The following SDK1 variants were observed in gnomAD, a reference collection of about 807,000 sequenced individuals.
The protein encoded by SDK1 is protein sidekick-1.
Under a neutral mutation model 245.5 loss-of-function variants are expected in SDK1, and 157 were observed. The observed-to-expected ratio is 0.64, with a 90% CI of 0.56 to 0.73. The LOEUF is 0.73. Ranked by LOEUF, SDK1 falls within the 30% of genes least tolerant of loss-of-function variation. SDK1 has a pLI of 0.00. For missense variants in SDK1, 3,583 were observed against 3,002.3 expected (o/e 1.19, Z -4.52); for synonymous variants, 1,647 against 1,278.5 (o/e 1.29, Z -6.15).
chr7:3,782,786 A>G (rs1055996627), intron 4 of SDK1, among the ~76,000 whole-genome samples: 8 of 152,226 alleles, frequency 5.3e-5, no homozygotes, highest in African/African-American at 1.9e-4. Flanking sequence ...TTTAATATGT[A>G]TTGCTTTTGC....
chr7:4,238,661 G>A (rs1786333974), intron 42 of SDK1, among the ~76,000 whole-genome samples: 1 of 151,460 alleles, frequency 6.6e-6, no homozygotes, highest in Non-Finnish European at 1.5e-5. Context: ...CAATTCGCCT[G>A]CCTCAGCCTC....
intron 1 of SDK1, among the ~76,000 whole-genome samples, chr7:3,523,693 T>A (rs1320845874): frequency 6.6e-6 from 1 of 152,120 alleles, no homozygotes; most frequent in Non-Finnish European, 1.5e-5. Context: ...ACTCCCAGCC[T>A]CCCAGAGCAC....
At position 3,958,995 on chromosome 7, in the gene SDK1, C is replaced by T. The variant is rs756125856; in HGVS notation, c.1215C>T (p.Asp405=). 2.5e-6 allele frequency: 4 copies of T among 1,613,766 alleles called. No homozygotes were observed. Among genetic ancestry groups the T allele is most frequent in the Non-Finnish European group, 2.5e-6 (3 of 1,179,744 alleles). The change falls in exon 8 of 45, where the codon GAC becomes GAT. Residue 405 remains aspartate (D), a synonymous_variant. Coordinates refer to ENST00000404826, the MANE Select transcript of SDK1 (RefSeq NM_152744.4). Reference sequence around the variant, plus strand: ...CAGCTGAAGTAGAAGAAACTGTGGACATCGGATGTCAAGCCATGGGTGAGT... The same window carrying T: ...CAGCTGAAGTAGAAGAAACTGTGGATATCGGATGTCAAGCCATGGGTGAGT... ...RISAEVEETV[D]IGCQAMGVPL...
intron 1 of SDK1, among the ~76,000 whole-genome samples, chr7:3,582,562 G>T (rs1402904318): frequency 6.6e-6 from 1 of 151,142 alleles, no homozygotes; most frequent in South Asian, 2.1e-4. Flanking sequence ...GAAATGATAA[G>T]AAAATTAACT....
At chr7:3,567,193 T>C (rs757531559) in intron 1 of SDK1, among the ~76,000 whole-genome samples, 62 of 152,236 alleles carry the variant, frequency 4.1e-4, no homozygotes, top group Non-Finnish European at 7.2e-4. Flanking sequence ...CTTTTCGTGT[T>C]ATCTACTTAA....
At chr7:3,638,224 A>G (rs1782530325) in intron 2 of SDK1, among the ~76,000 whole-genome samples, 1 of 152,222 alleles carries the variant, frequency 6.6e-6, no homozygotes, top group African/African-American at 2.4e-5. Flanking sequence ...GGAGACAGGT[A>G]TCAGTGCGAT....
intron 8 of SDK1, 43 bp downstream of exon 8, chr7:3,959,057 G>A: frequency 6.9e-7 from 1 of 1,459,308 alleles, no homozygotes; most frequent in African/African-American, 1.4e-5. Flanking sequence ...ATGACTGGGA[G>A]GAAGGGAAAC....
Position 3,801,571 on chromosome 7 carries a change from C to T in SDK1, c.714-19879C>T, listed in dbSNP as rs73672179. ...CCTAAGGGTTGAGCAACCAGATCAT[C>T]AGGTTTGACGAAAACAGGAAGGAGG... On this transcript the variant is annotated intron_variant, in intron 4 of 44. Transcript: ENST00000404826. 5.8e-3 allele frequency among the ~76,000 whole-genome samples: 877 copies of T among 152,314 alleles called. 10 individuals carry two copies. The highest frequency in any genetic ancestry group is 0.02 in the African/African-American group (833 of 41,568).
At chr7:3,388,363 C>G (rs1781661670) in intron 1 of SDK1, among the ~76,000 whole-genome samples, 1 of 149,876 alleles carries the variant, frequency 6.7e-6, no homozygotes, top group Non-Finnish European at 1.5e-5. Flanking sequence ...AAAATCTCAT[C>G]TGTCAAACGC....
intron 1 of SDK1, among the ~76,000 whole-genome samples, chr7:3,399,477 C>T (rs73296366): frequency 0.055 from 8,311 of 152,096 alleles, 638 homozygotes; most frequent in African/African-American, 0.17. Context: ...TCTGTACATT[C>T]CTATATCTTT....
intron 17 of SDK1, among the ~76,000 whole-genome samples, chr7:4,047,940 A>T (rs1487789925): frequency 1.3e-5 from 2 of 152,186 alleles, no homozygotes; most frequent in Non-Finnish European, 2.9e-5. Context: ...ACAGGATGGC[A>T]AGTAGGGCAG....
chr7:3,361,336 A>G (rs779437874), intron 1 of SDK1, among the ~76,000 whole-genome samples: 3 of 152,200 alleles, frequency 2.0e-5, no homozygotes, highest in Non-Finnish European at 2.9e-5. Context: ...GAACATTTGC[A>G]TTTCTATCAT....
rs536510475 is a variant in SDK1 at position 3,432,691 on chromosome 7, C to G, written c.298+130807C>G. On this transcript the variant is annotated intron_variant, in intron 1 of 44. Transcript: ENST00000404826. The stretch of plus-strand genomic sequence containing the variant: ...CTGTCTTCCCAGTGTAGACTGTAGC[C>G]TGCACTGTCATAGAAGAGTGTTGAT... Among the ~76,000 whole-genome samples, 22 of 152,256 alleles carry G rather than the reference C, an allele frequency of 1.4e-4. No homozygotes were observed. The South Asian group carries it at 4.6e-3, about 32-fold the overall frequency.
chr7:3,717,832 C>T (rs1323153269), intron 4 of SDK1, among the ~76,000 whole-genome samples: 1 of 151,990 alleles, frequency 6.6e-6, no homozygotes, highest in African/African-American at 2.4e-5. Context: ...ATTTGCCACA[C>T]ATTTAAAGAA....
chr7:3,498,968 T>C (rs563794328), intron 1 of SDK1, among the ~76,000 whole-genome samples: 1 of 152,296 alleles, frequency 6.6e-6, no homozygotes, highest in Non-Finnish European at 1.5e-5. Flanking sequence ...GCACTAACTT[T>C]TATTGGTTGA....
chr7:3,615,197 G>T (rs996350087), intron 1 of SDK1, among the ~76,000 whole-genome samples: 2 of 151,540 alleles, frequency 1.3e-5, no homozygotes, highest in Admixed American at 6.6e-5. Context: ...TTCTTTTTCT[G>T]TTGTTAAACA....
At chr7:4,051,974 G>C in intron 19 of SDK1, 144 bp downstream of exon 19, 1 of 667,422 alleles carries the variant, frequency 1.5e-6, no homozygotes, top group South Asian at 2.1e-5. Flanking sequence ...CACCTAGGGA[G>C]ATCAGGCATC....
chr7:3,579,261 C>G (rs765694683), intron 1 of SDK1, among the ~76,000 whole-genome samples: 2 of 149,676 alleles, frequency 1.3e-5, no homozygotes, highest in African/African-American at 2.4e-5. Context: ...CCTTGATGAA[C>G]GTTGATGGAA....
intron 1 of SDK1, among the ~76,000 whole-genome samples, chr7:3,354,571 C>A (rs1780744105): frequency 6.6e-6 from 1 of 152,072 alleles, no homozygotes; most frequent in African/African-American, 2.4e-5. Flanking sequence ...ATTAATAGCT[C>A]CTGAAAGAAA....
Sources: allele counts gnomAD v4.1 joint callset (sites outside exome capture counted in the v4.1 genomes callset), GRCh38; gene constraint gnomAD v4.1.1; transcripts MANE v1.5; gene names NCBI Gene and HGNC (gene_info 2026-07-23, HGNC 2026-07-21).